The following ST8SIA1 variants were observed in gnomAD, a reference collection of about 807,000 sequenced individuals.
ST8SIA1 encodes ST8 alpha-N-acetyl-neuraminide alpha-2,8-sialyltransferase 1, also known as alpha-N-acetylneuraminide alpha-2,8-sialyltransferase.
Under a neutral mutation model 35.9 loss-of-function variants are expected in ST8SIA1, and 16 were observed. The observed-to-expected ratio is 0.45, with a 90% confidence interval of 0.30 to 0.68. ST8SIA1 has a LOEUF of 0.68. ST8SIA1 is among the 30% of genes least tolerant of loss of function. ST8SIA1 has a pLI of 0.09. For synonymous variants in ST8SIA1, 170 were observed against 169.6 expected (o/e 1.00, Z -0.02); for missense variants, 383 against 453.6 (o/e 0.84, Z 1.41).
chr12:22,227,072 A>G (rs1257154742), intron 4 of ST8SIA1, among the ~76,000 whole-genome samples: 1 of 151,790 alleles, frequency 6.6e-6, no homozygotes. Flanking sequence ...CGGCCTCCCA[A>G]GTAGCTGGGA....
intron 4 of ST8SIA1, among the ~76,000 whole-genome samples, chr12:22,215,155 A>T (rs1156787848): frequency 2.0e-5 from 3 of 152,034 alleles, no homozygotes; most frequent in African/African-American, 4.8e-5. Flanking sequence ...GTCTCCCCCA[A>T]CTGAAAACTA....
intron 1 of ST8SIA1, among the ~76,000 whole-genome samples, chr12:22,296,502 C>A (rs941594401): frequency 6.6e-6 from 1 of 152,208 alleles, no homozygotes; most frequent in Non-Finnish European, 1.5e-5. Flanking sequence ...CTATCCACAG[C>A]AAAGTATCCC....
In ST8SIA1 at chr12:22,255,296, C is replaced by T. The variant is rs375737160; in HGVS notation, c.475G>A (p.Ala159Thr). ...CTCTCTTACCGCATGACAAAATTTGCTTCATCTATTTGACGGCCACAGCCA... is the reference window on the plus strand; with the variant it reads ...CTCTCTTACCGCATGACAAAATTTGTTTCATCTATTTGACGGCCACAGCCA... ...KSGCGRQIDE[A>T]NFVMRCNLPP... Residue 159 changes from alanine (A) to threonine (T), a missense_variant, in exon 3 of 5, where the codon GCA becomes ACA. Ala to Thr is a moderately conservative substitution (Grantham distance 58). Coordinates refer to ENST00000396037, the MANE Select transcript of ST8SIA1 (RefSeq NM_003034.4). The T allele has an allele frequency of 1.6e-4, 254 of 1,614,072 alleles. No homozygotes were observed. The highest frequency in any genetic ancestry group is 2.1e-4 in the Non-Finnish European group (243 of 1,180,002).
At chr12:22,222,214 G>A (rs1422738065) in intron 4 of ST8SIA1, among the ~76,000 whole-genome samples, 2 of 152,086 alleles carry the variant, frequency 1.3e-5, no homozygotes, top group Non-Finnish European at 2.9e-5. Context: ...CACACTGAAG[G>A]AATTCCTTGT....
intron 4 of ST8SIA1, among the ~76,000 whole-genome samples, chr12:22,247,756 A>G (rs1865622488): frequency 6.6e-6 from 1 of 152,156 alleles, no homozygotes; most frequent in Non-Finnish European, 1.5e-5. Context: ...AAAAATTTTA[A>G]ATTGCAATAG....
intron 4 of ST8SIA1, among the ~76,000 whole-genome samples, chr12:22,221,961 A>G (rs1429188377): frequency 6.6e-6 from 1 of 152,096 alleles, no homozygotes; most frequent in Admixed American, 6.6e-5. Context: ...TTCTTCACCC[A>G]TTTTCAAAAA....
chr12:22,254,082 T>C (rs1865702239), intron 3 of ST8SIA1, among the ~76,000 whole-genome samples: 1 of 152,176 alleles, frequency 6.6e-6, no homozygotes, highest in Non-Finnish European at 1.5e-5. Flanking sequence ...GTCCTTGATG[T>C]TGCTGCAGTC....
At chr12:22,202,775 G>A (rs1455250809) in intron 4 of ST8SIA1, among the ~76,000 whole-genome samples, 1 of 152,204 alleles carries the variant, frequency 6.6e-6, no homozygotes, top group African/African-American at 2.4e-5. Flanking sequence ...AAGAGGGAGT[G>A]TGGTCCAAGA....
In ST8SIA1 at chr12:22,200,245, G is replaced by A. The variant is rs1250754354; in HGVS notation, c.*1307C>T. 1.3e-5 allele frequency: 2 copies of A among 152,142 alleles called. No individual in the cohort carries two copies. The highest frequency in any genetic ancestry group is 4.8e-5 in the African/African-American group (2 of 41,418). The allele number at this position is 152,142 out of a possible 1,614,324, so 9.4% of individuals were successfully genotyped here. On this transcript the variant is annotated 3_prime_UTR_variant, in exon 5 of 5. Transcript: ENST00000396037. ...CATCTTGTGCTGCTATGGGTATTAT[G>A]TGCGGCAACCAGTGAGCTCGGTTGT...
chr12:22,320,997 A>G (rs868008653), intron 1 of ST8SIA1, among the ~76,000 whole-genome samples: 1 of 84,636 alleles, frequency 1.2e-5, no homozygotes, highest in Non-Finnish European at 2.5e-5. Flanking sequence ...GAAAGAAAGA[A>G]AGAAAGAAGA....
intron 1 of ST8SIA1, among the ~76,000 whole-genome samples, chr12:22,292,492 T>C (rs183428369): frequency 2.8e-4 from 43 of 152,316 alleles, no homozygotes; most frequent in Middle Eastern, 3.4e-3. Context: ...TAAATATTTA[T>C]TGAAAACCTA....
intron 1 of ST8SIA1, among the ~76,000 whole-genome samples, chr12:22,307,639 G>A (rs554403499): frequency 3.3e-5 from 5 of 152,208 alleles, no homozygotes; most frequent in South Asian, 2.1e-4. Context: ...ACTGCTTCCC[G>A]TGTTGTGAGT....
intron 1 of ST8SIA1, among the ~76,000 whole-genome samples, chr12:22,299,917 G>A (rs1490178015): frequency 6.6e-6 from 1 of 152,006 alleles, no homozygotes; most frequent in Non-Finnish European, 1.5e-5. Context: ...AGGTCTGAAG[G>A]AAATGATTTC....
Position 22,317,514 on chromosome 12 carries a change from C to A in ST8SIA1, c.236+16483G>T, listed in dbSNP as rs571016871. Reference sequence around the variant, plus strand: ...AAGGATACGCTTCCTAGTTCACTTACGTGGTTGTTGGTGGCCTCAGTTCCT... The same window carrying A: ...AAGGATACGCTTCCTAGTTCACTTAAGTGGTTGTTGGTGGCCTCAGTTCCT... On this transcript the variant is annotated intron_variant, in intron 1 of 4. Coordinates refer to ENST00000396037, the MANE Select transcript of ST8SIA1 (RefSeq NM_003034.4). Among the ~76,000 whole-genome samples, 3 of 152,288 alleles carry A rather than the reference C, an allele frequency of 2.0e-5. No homozygotes were observed. The South Asian group carries it at 6.2e-4, about 32-fold the overall frequency.
chr12:22,221,106 A>G (rs1460951782), intron 4 of ST8SIA1, among the ~76,000 whole-genome samples: 1 of 152,138 alleles, frequency 6.6e-6, no homozygotes, highest in Non-Finnish European at 1.5e-5. Flanking sequence ...TAGCACCAAG[A>G]TGGCTCCCTC....
chr12:22,241,872 T>TC (rs1865544823), intron 4 of ST8SIA1, among the ~76,000 whole-genome samples: 1 of 152,014 alleles, frequency 6.6e-6, no homozygotes, highest in Non-Finnish European at 1.5e-5. Context: ...ATTTTATTCC[T>TC]CCTCCCCCCC....
intron 2 of ST8SIA1, among the ~76,000 whole-genome samples, chr12:22,265,673 T>G (rs577000961): frequency 6.6e-6 from 1 of 152,142 alleles, no homozygotes; most frequent in Non-Finnish European, 1.5e-5. Flanking sequence ...AGCCTAGAAA[T>G]CTCAGAGCCA....
intron 1 of ST8SIA1, among the ~76,000 whole-genome samples, chr12:22,313,467 T>C (rs376235855): frequency 1.8e-4 from 27 of 152,202 alleles, no homozygotes; most frequent in East Asian, 1.2e-3. Flanking sequence ...CCATGAGGCA[T>C]AGAAAATGGG....
intron 1 of ST8SIA1, chr12:22,325,394 T>A: frequency 1.4e-6 from 1 of 699,930 alleles, no homozygotes. Flanking sequence ...CACTTCCTCC[T>A]GGCACCTAAT....
Sources: gnomAD v4.1 joint callset for allele counts (sites outside exome capture counted in the v4.1 genomes callset) on GRCh38, gnomAD v4.1.1 for gene constraint, MANE v1.5 for transcripts, NCBI Gene and HGNC (gene_info 2026-07-23, HGNC 2026-07-21) for gene names.